Variants in IL18 observed in about 807,000 individuals in gnomAD.
IL18 encodes interleukin 18.
Under a neutral mutation model 14.2 loss-of-function variants are expected in IL18, and 8 were observed. That is an observed-to-expected ratio of 0.56 (90% CI 0.33 to 1.01). The LOEUF is 1.01. Ranked by LOEUF, IL18 falls within the 50% of genes least tolerant of loss-of-function variation. The pLI is 0.03. For synonymous variants in IL18, 67 were observed against 71.0 expected (o/e 0.94, Z 0.28); for missense variants, 166 against 231.1 (o/e 0.72, Z 1.83).
At chr11:112,163,153 A>G (rs1866662688) in intron 1 of IL18, among the ~76,000 whole-genome samples, 1 of 152,210 alleles carries the variant, frequency 6.6e-6, no homozygotes, top group South Asian at 2.1e-4. Flanking sequence ...TCAACTTCAA[A>G]CAGAGATATT....
chr11:112,160,469 A>C (rs1866611340), intron 1 of IL18, among the ~76,000 whole-genome samples: 1 of 152,028 alleles, frequency 6.6e-6, no homozygotes, highest in African/African-American at 2.4e-5. Flanking sequence ...TGCTTCTTAA[A>C]TAGCTCTTAC....
chr11:112,143,375 A>G lies in IL18; in HGVS notation c.*221T>C, dbSNP rs774620085. The stretch of plus-strand genomic sequence containing the variant: ...GGCTCACCACAACCTCTACCTCCGG[A>G]GTGCAAGTGATTCTCCTGCCTCAGC... On this transcript the variant is annotated 3_prime_UTR_variant, in exon 6 of 6. Transcript: ENST00000280357. 15 of 397,564 alleles carry G rather than the reference A, an allele frequency of 3.8e-5. No individual in the cohort carries two copies. The highest frequency in any genetic ancestry group is 1.5e-4 in the South Asian group (4 of 25,984). The allele number at this position is 397,564 out of a possible 1,614,324, so 24.6% of individuals were successfully genotyped here.
chr11:112,152,692 T>C (rs188440603), intron 3 of IL18, among the ~76,000 whole-genome samples: 104 of 152,222 alleles, frequency 6.8e-4, no homozygotes, highest in African/African-American at 2.3e-3. Context: ...ACCCAGGAAG[T>C]ATGATGATTT....
At chr11:112,149,310 AAAC>A (rs929603225) in intron 4 of IL18, among the ~76,000 whole-genome samples, 1 of 152,036 alleles carries the variant, frequency 6.6e-6, no homozygotes, top group Non-Finnish European at 1.5e-5. Context: ...TCAAACAAAC[AAAC>A]AACCCCACAG....
intron 5 of IL18, among the ~76,000 whole-genome samples, chr11:112,146,927 C>CTTTTTT (rs36051933): frequency 8.0e-6 from 1 of 125,362 alleles, no homozygotes; most frequent in Non-Finnish European, 1.7e-5. Flanking sequence ...GGTAATTTTA[C>CTTTTTT]TTTTTTTTTT....
intron 2 of IL18, among the ~76,000 whole-genome samples, chr11:112,154,351 C>T (rs918527390): frequency 2.0e-5 from 3 of 151,824 alleles, no homozygotes; most frequent in Non-Finnish European, 2.9e-5. Flanking sequence ...ATGGCAAAAC[C>T]CTGTCTCTAG....
At chr11:112,153,687 T>C (rs533188428) in intron 2 of IL18, 84 bp from the exon 3 acceptor site, 5 of 924,280 alleles carry the variant, frequency 5.4e-6, no homozygotes, top group South Asian at 5.1e-5. Context: ...GCTTTTACTT[T>C]TGCTACTCCT....
intron 1 of IL18, among the ~76,000 whole-genome samples, chr11:112,157,062 G>A (rs1408896490): frequency 6.6e-6 from 1 of 152,038 alleles, no homozygotes; most frequent in African/African-American, 2.4e-5. Context: ...AGCTCCACGA[G>A]GGCATGTTCT....
chr11:112,154,213 CAGA>C (rs1290304553), intron 2 of IL18, among the ~76,000 whole-genome samples: 1 of 152,110 alleles, frequency 6.6e-6, no homozygotes, highest in Admixed American at 6.6e-5. Flanking sequence ...AAATTGTTCA[CAGA>C]AGATTAATCA....
chr11:112,145,769 A>G (rs1480365682), intron 5 of IL18, among the ~76,000 whole-genome samples: 1 of 150,536 alleles, frequency 6.6e-6, no homozygotes, highest in Non-Finnish European at 1.5e-5. Context: ...AAAAAGAAAA[A>G]AAGAAAGTTA....
chr11:112,155,630 C>G (rs1866519400), intron 1 of IL18, among the ~76,000 whole-genome samples: 1 of 152,158 alleles, frequency 6.6e-6, no homozygotes, highest in Non-Finnish European at 1.5e-5. Flanking sequence ...GATTTTTGAT[C>G]TGGAGTCTCG....
chr11:112,147,990 T>C (rs1489173357), intron 5 of IL18, among the ~76,000 whole-genome samples: 1 of 152,108 alleles, frequency 6.6e-6, no homozygotes, highest in Non-Finnish European at 1.5e-5. Context: ...AGAGAAAAAG[T>C]AGAGGCCAGA....
chr11:112,146,041 T>C (rs1866336807), intron 5 of IL18, among the ~76,000 whole-genome samples: 1 of 150,828 alleles, frequency 6.6e-6, no homozygotes, highest in Admixed American at 6.6e-5. Flanking sequence ...TTCTTTTTTT[T>C]TTTTTTTTTT....
intron 1 of IL18, among the ~76,000 whole-genome samples, chr11:112,158,963 T>G (rs936685573): frequency 2.0e-5 from 3 of 151,806 alleles, no homozygotes; most frequent in African/African-American, 7.3e-5. Context: ...GAGTTTGAAC[T>G]GTTTTTTCCT....
chr11:112,156,680 A>G (rs1392733018), intron 1 of IL18, among the ~76,000 whole-genome samples: 1 of 152,056 alleles, frequency 6.6e-6, no homozygotes, highest in Admixed American at 6.6e-5. Context: ...CCTGAGCTCA[A>G]ATGGTTTGCC....
chr11:112,152,942 C>T (rs1866471368), intron 3 of IL18: 1 of 152,226 alleles, frequency 6.6e-6, no homozygotes, highest in Admixed American at 6.5e-5. Flanking sequence ...CCTATTATCT[C>T]CAAGATAAAG....
At chr11:112,149,222 G>C (rs1463537897) in intron 4 of IL18, among the ~76,000 whole-genome samples, 1 of 151,298 alleles carries the variant, frequency 6.6e-6, no homozygotes, top group Admixed American at 6.6e-5. Flanking sequence ...AACGTGGGAG[G>C]TGGAGGTTGT....
intron 1 of IL18, among the ~76,000 whole-genome samples, chr11:112,162,868 C>T (rs531524345): frequency 3.9e-5 from 6 of 151,954 alleles, no homozygotes; most frequent in Non-Finnish European, 8.8e-5. Flanking sequence ...CTGAACTCAC[C>T]ACAGATTTGG....
intron 5 of IL18, 27 bp downstream of exon 5, chr11:112,148,576 T>C (rs1238654922): frequency 4.8e-6 from 6 of 1,257,430 alleles, no homozygotes; most frequent in Admixed American, 3.2e-5. Context: ...TTAACATGAT[T>C]GAAAACAAAG....
Sources: gnomAD v4.1 joint callset for allele counts (sites outside exome capture counted in the v4.1 genomes callset) on GRCh38, gnomAD v4.1.1 for gene constraint, MANE v1.5 for transcripts, NCBI Gene and HGNC (gene_info 2026-07-23, HGNC 2026-07-21) for gene names.